PTN: variants seen among roughly 807,000 people sequenced by gnomAD.
PTN encodes pleiotrophin.
A neutral mutation model predicts 24.1 loss-of-function variants in PTN; 18 were observed. The ratio of observed to expected loss-of-function variants is 0.75; its 90% CI spans 0.52 to 1.11. The LOEUF is 1.11. PTN is among the 50% of genes least tolerant of loss of function. The probability of loss-of-function intolerance (pLI) is 0.00; values close to 1 mark genes in which losing one functional copy is unlikely to be tolerated. For missense variants in PTN, 163 were observed against 198.8 expected (o/e 0.82, Z 1.08); for synonymous variants, 78 against 68.6 (o/e 1.14, Z -0.67).
intron 4 of PTN, among the ~76,000 whole-genome samples, chr7:137,247,894 G>A (rs1461566562): frequency 1.3e-5 from 2 of 152,150 alleles, no homozygotes; most frequent in African/African-American, 4.8e-5. Context: ...ATTTAGGTGA[G>A]AAATCAGCAG....
intron 1 of PTN, among the ~76,000 whole-genome samples, chr7:137,264,946 C>T (rs1311288466): frequency 6.6e-6 from 1 of 150,596 alleles, no homozygotes; most frequent in African/African-American, 2.4e-5. Flanking sequence ...CAGGACCTTA[C>T]AGTCTGGGTT....
chr7:137,238,086 T>C (rs1808555864), intron 4 of PTN, among the ~76,000 whole-genome samples: 1 of 152,138 alleles, frequency 6.6e-6, no homozygotes, highest in Non-Finnish European at 1.5e-5. Flanking sequence ...GAAAAAGTCT[T>C]TATTATTTTA....
At chr7:137,322,597 T>C (rs1449365782) in intron 1 of PTN, among the ~76,000 whole-genome samples, 1 of 152,198 alleles carries the variant, frequency 6.6e-6, no homozygotes, top group African/African-American at 2.4e-5. Context: ...ATTGTAAAAT[T>C]GATATTTATT....
At chr7:137,281,771 TA>T (rs1364607333) in intron 1 of PTN, among the ~76,000 whole-genome samples, 1 of 152,228 alleles carries the variant, frequency 6.6e-6, no homozygotes, top group East Asian at 1.9e-4. Flanking sequence ...AATTTAAAAG[TA>T]AAAAAATAAA....
In PTN at chr7:137,243,310, A is replaced by G. The variant is rs189505931; in HGVS notation, c.451+7920T>C. ...AACTTTCTTCCTTGTTTGCAGATCA[A>G]TTATTCCCGCAGAAAATAAAAAGTG... On this transcript the variant is annotated intron_variant, in intron 4 of 4. Transcript: ENST00000348225. 7.9e-5 allele frequency among the ~76,000 whole-genome samples: 12 copies of G among 152,302 alleles called. No individual in the cohort carries two copies. In the East Asian group the frequency reaches 2.3e-3, roughly 29 times the overall value.
rs150486827 is a variant in PTN at position 137,256,995 on chromosome 7, A to G, written c.-1-2021T>C. Among the ~76,000 whole-genome samples, 189 of 152,330 alleles carry G rather than the reference A, an allele frequency of 1.2e-3. 1 individual carries two copies. In the East Asian group the frequency reaches 0.015, roughly 12 times the overall value. On this transcript the variant is annotated intron_variant, in intron 1 of 4. Transcript: ENST00000348225. Reference sequence around the variant, plus strand: ...AGCCAGTCAGAATGGCAATTATTAAAAAGTCAAGAAACAATAGATGCTGGC... The same window carrying G: ...AGCCAGTCAGAATGGCAATTATTAAGAAGTCAAGAAACAATAGATGCTGGC...
At chr7:137,305,391 T>C (rs892282359) in intron 1 of PTN, among the ~76,000 whole-genome samples, 1 of 152,084 alleles carries the variant, frequency 6.6e-6, no homozygotes, top group African/African-American at 2.4e-5. Flanking sequence ...AGATCAAATA[T>C]GGCAGGGCAA....
chr7:137,237,753 T>TAGC (rs148364514), intron 4 of PTN, among the ~76,000 whole-genome samples: 8,022 of 152,202 alleles, frequency 0.053, 436 homozygotes, highest in African/African-American at 0.14. Context: ...AATCTGTCTA[T>TAGC]AGCAGCAGCA....
chr7:137,292,033 G>A (rs1403230053), intron 1 of PTN, among the ~76,000 whole-genome samples: 2 of 152,124 alleles, frequency 1.3e-5, no homozygotes, highest in Admixed American at 1.3e-4. Context: ...CTAGGATTCT[G>A]ATAAAGTATG....
At chr7:137,330,328 AGAG>A (rs1029017320) in intron 1 of PTN, among the ~76,000 whole-genome samples, 14 of 151,952 alleles carry the variant, frequency 9.2e-5, no homozygotes, top group Non-Finnish European at 1.5e-4. Flanking sequence ...AGAAGGAGGA[AGAG>A]GAGGAGGAGG....
intron 1 of PTN, chr7:137,325,748 G>C (rs909012174): frequency 6.6e-6 from 1 of 152,204 alleles, no homozygotes; most frequent in African/African-American, 2.4e-5. Flanking sequence ...TCATTCATTT[G>C]AGCATAGGAA....
intron 1 of PTN, chr7:137,318,470 T>C (rs1810109129): frequency 6.6e-6 from 1 of 152,246 alleles, no homozygotes; most frequent in Non-Finnish European, 1.5e-5. Flanking sequence ...TGGCTCCACA[T>C]TAAGTATTAA....
intron 1 of PTN, among the ~76,000 whole-genome samples, chr7:137,292,827 G>A (rs1451274787): frequency 1.3e-5 from 2 of 152,140 alleles, no homozygotes; most frequent in Non-Finnish European, 2.9e-5. Flanking sequence ...CAGAAAAGGA[G>A]GGCTGACTGT....
At chr7:137,276,798 G>GAA (rs5887830) in intron 1 of PTN, among the ~76,000 whole-genome samples, 15 of 146,080 alleles carry the variant, frequency 1.0e-4, no homozygotes, top group Non-Finnish European at 2.0e-4. Flanking sequence ...GCTTTTAACA[G>GAA]AAAAAAAAAA....
intron 1 of PTN, among the ~76,000 whole-genome samples, chr7:137,297,357 A>C (rs772450129): frequency 2.0e-5 from 3 of 152,116 alleles, no homozygotes; most frequent in Non-Finnish European, 4.4e-5. Flanking sequence ...ACAGAATGGA[A>C]GTTTTACACA....
At chr7:137,328,667 G>A (rs957574386) in intron 1 of PTN, among the ~76,000 whole-genome samples, 1 of 152,118 alleles carries the variant, frequency 6.6e-6, no homozygotes, top group Non-Finnish European at 1.5e-5. Flanking sequence ...AACAGATTGA[G>A]CAGCTCCTAG....
chr7:137,257,720 T>C (rs1274214498), intron 1 of PTN, among the ~76,000 whole-genome samples: 4 of 152,228 alleles, frequency 2.6e-5, no homozygotes, highest in African/African-American at 9.6e-5. Flanking sequence ...AAAATTTACC[T>C]GCATTTTCAA....
intron 4 of PTN, among the ~76,000 whole-genome samples, chr7:137,228,904 C>A (rs1035213877): frequency 1.3e-5 from 2 of 151,774 alleles, no homozygotes; most frequent in African/African-American, 4.8e-5. Context: ...TATTTCTGAG[C>A]CACTTCTCCA....
At chr7:137,335,928 C>CCTTTTTTT (rs1452375474) in intron 1 of PTN, among the ~76,000 whole-genome samples, 1 of 141,894 alleles carries the variant, frequency 7.0e-6, no homozygotes, top group Non-Finnish European at 1.5e-5. Flanking sequence ...TGTCTTCTCG[C>CCTTTTTTT]TTTTTTTTTT....
Sources: gnomAD v4.1 joint callset for allele counts (sites outside exome capture counted in the v4.1 genomes callset) on GRCh38, gnomAD v4.1.1 for gene constraint, MANE v1.5 for transcripts, NCBI Gene and HGNC (gene_info 2026-07-23, HGNC 2026-07-21) for gene names.